PCNX3: variants seen among roughly 807,000 people sequenced by gnomAD.
PCNX3 encodes pecanex-like protein 3.
PCNX3 carries 58 observed loss-of-function variants against 207.2 expected under a neutral mutation model. The ratio of observed to expected loss-of-function variants is 0.28; its 90% CI spans 0.23 to 0.35. PCNX3 has a LOEUF of 0.35. Among genes scored for constraint, PCNX3 ranks in the 10% least tolerant of loss-of-function variants. PCNX3 has a pLI of 1.00. For synonymous variants in PCNX3, 1,337 were observed against 1,183.5 expected (o/e 1.13, Z -2.66); for missense variants, 2,410 against 2,774.4 (o/e 0.87, Z 2.95).
In PCNX3 at chr11:65,617,254, C is replaced by T. The variant is rs1018451718; in HGVS notation, c.346C>T (p.Pro116Ser). 1.9e-6 allele frequency: 3 copies of T among 1,602,706 alleles called. No individual in the cohort carries two copies. Among genetic ancestry groups the T allele is most frequent in the African/African-American group, 1.3e-5 (1 of 74,734 alleles). Residue 116 changes from proline (P) to serine (S), a missense_variant, in exon 3 of 35, where the codon CCC (proline) becomes TCC (serine). Physicochemically the swap from Pro to Ser is moderately conservative, Grantham distance 74. This residue lies in a region of PCNX3 where 1,104 missense variants were observed against 970.3 expected (regional missense o/e 1.14). Coordinates refer to ENST00000355703, the MANE Select transcript of PCNX3 (RefSeq NM_032223.4). ...GCTGCTCTTTTTCACCGCCAGGGAC[C>T]CCGGAGTGGAGATGACAGTGTTCCG... ...AQGDSNPPRD[P>S]GVEMTVFRKV... is the part of the protein sequence containing the mutation.
Position 65,619,609 on chromosome 11 carries a change from A to G in PCNX3, c.1778A>G (p.Asn593Ser). 1.9e-6 allele frequency: 3 copies of G among 1,606,052 alleles called. No homozygotes were observed. The highest frequency in any genetic ancestry group is 1.7e-6 in the Non-Finnish European group (2 of 1,178,844). Reference sequence around the variant, plus strand: ...ACCCAGGCCATTCGGAGACGCCACAATGCAGGCAGCAACCCCACCCCTCCA... The same window carrying G: ...ACCCAGGCCATTCGGAGACGCCACAGTGCAGGCAGCAACCCCACCCCTCCA... ...RRTQAIRRRH[N>S]AGSNPTPPAS... Residue 593 changes from asparagine to serine, a missense_variant, in exon 7 of 35, where the codon AAT becomes AGT. Physicochemically the swap from Asn to Ser is conservative, Grantham distance 46 (BLOSUM62 1). Around this residue, in one of 8 missense-constraint regions of PCNX3, gnomAD observed 1,104 missense variants for 970.3 expected, o/e 1.14. Coordinates refer to ENST00000355703, the MANE Select transcript of PCNX3 (RefSeq NM_032223.4).
Position 65,634,240 on chromosome 11 carries a change from A to T in PCNX3, c.4585A>T (p.Thr1529Ser). ...RVPGYADSDP[T>S]FSLSVDEDYD... ...GCCCGGCTATGCCGACTCGGATCCC[A>T]CCTTCTCGCTGAGTGTGGATGAGGA... Residue 1529 changes from threonine to serine, a missense_variant, in exon 28 of 35, where the codon ACC (threonine) becomes TCC (serine). Thr to Ser is a moderately conservative substitution (Grantham distance 58, BLOSUM62 1). Coordinates refer to ENST00000355703, the MANE Select transcript of PCNX3 (RefSeq NM_032223.4). 1 of 1,612,998 alleles carries T rather than the reference A, an allele frequency of 6.2e-7. No homozygotes were observed. The highest frequency in any genetic ancestry group is 8.5e-7 in the Non-Finnish European group (1 of 1,179,688).
rs149450828 is a variant in PCNX3, at chr11:65,619,993, C to T, written c.2008+61C>T. On this transcript the variant is annotated intron_variant, in intron 8 of 34. Transcript: ENST00000355703. ...CCCGCCTTCCCCCAACAGCCTGAGT[C>T]CTCCTAGCAGTGGTGCTCGCTCGGC... The T allele has an allele frequency of 1.2e-5, 18 of 1,507,392 alleles. No homozygotes were observed. The African/African-American group carries it at 2.2e-4, about 18-fold the overall frequency. The allele number at this position is 1,507,392 out of a possible 1,614,324, so 93.4% of individuals were successfully genotyped here. A position where few individuals can be genotyped will look rare whatever the true frequency, so the allele number is the denominator to read the frequency against.
intron 29 of PCNX3, 28 bp from the exon 30 acceptor site, chr11:65,634,945 T>C: frequency 6.3e-7 from 1 of 1,599,686 alleles, no homozygotes; most frequent in Non-Finnish European, 8.5e-7. Context: ...CACCCCTCTC[T>C]CCCCTCCCTG....
In PCNX3 at chr11:65,636,273, C is replaced by T. The variant is rs1453320761; in HGVS notation, c.5559C>T (p.Pro1853=). ...GGGLTSLSNN[P]PVAHPTPENT... is the part of the protein sequence containing the mutation. ...GCCTGACCTCCCTCAGCAATAACCC[C>T]CCCGTGGCACACCCCACACCTGAGA... The change falls in exon 33 of 35, where the codon CCC becomes CCT. Residue 1853 remains proline, a synonymous_variant. Transcript: ENST00000355703. 1 of 1,602,170 alleles carries T rather than the reference C, an allele frequency of 6.2e-7. No homozygotes were observed. The highest frequency in any genetic ancestry group is 8.5e-7 in the Non-Finnish European group (1 of 1,174,290).
chr11:65,635,057 C>T lies in PCNX3; in HGVS notation c.4890C>T (p.Ala1630=), dbSNP rs370639193. Residue 1630 remains alanine, a synonymous_variant, in exon 30 of 35, where the codon GCC becomes GCT. Transcript: ENST00000355703. The surrounding 1 kb of genome is among the most constrained non-coding windows in gnomAD (Gnocchi z 9.9). ...ITSPRDEWVF[A]DMDLLHRVVA... is the part of the protein sequence containing the mutation. ...CCCCACGTGACGAGTGGGTCTTTGC[C>T]GACATGGACCTGCTTCACCGCGTTG... 211 of 1,613,880 alleles carry T rather than the reference C, an allele frequency of 1.3e-4. 1 individual carries two copies. Among genetic ancestry groups the T allele is most frequent in the Middle Eastern group, 1.2e-3 (7 of 6,062 alleles).
Position 65,617,496 on chromosome 11 carries a change from T to C in PCNX3, c.468T>C (p.Ser156=), listed in dbSNP as rs759451501. The C allele has an allele frequency of 6.2e-7, 1 of 1,613,884 alleles. No homozygotes were observed. Among genetic ancestry groups the C allele is most frequent in the Non-Finnish European group, 8.5e-7 (1 of 1,179,896 alleles). ...AGCTGCTGCCCCGAATGGAGGACTCTGGGCCCCTTAGAGGTAGGTGGCTGC... is the reference window on the plus strand; with the variant it reads ...AGCTGCTGCCCCGAATGGAGGACTCCGGGCCCCTTAGAGGTAGGTGGCTGC... ...VSELLPRMED[S]GPLRDIKELV... is the part of the protein sequence containing the mutation. The change falls in exon 4 of 35, where the codon TCT becomes TCC. Residue 156 remains serine (S), a synonymous_variant. Transcript: ENST00000355703.
chr11:65,625,029 T>C lies in PCNX3; in HGVS notation c.2919+13T>C, dbSNP rs548650533. ...TGGGGCCATCAAGGTAGGGGTGGCTTGCGAGGTGGGGGCATGCTGCAGTGC... is the reference window on the plus strand; with the variant it reads ...TGGGGCCATCAAGGTAGGGGTGGCTCGCGAGGTGGGGGCATGCTGCAGTGC... On this transcript the variant is annotated intron_variant, in intron 16 of 34. Transcript: ENST00000355703. This position sits in a 1 kb window ranked among gnomAD's most constrained non-coding sequence, Gnocchi z 5.6. 9 of 1,609,430 alleles carry C rather than the reference T, an allele frequency of 5.6e-6. No individual in the cohort carries two copies. In the African/African-American group the frequency reaches 9.4e-5, roughly 17 times the overall value.
chr11:65,616,455 A>G lies in PCNX3; in HGVS notation c.144A>G (p.Leu48=), dbSNP rs1854733106. 3.7e-6 allele frequency: 6 copies of G among 1,606,292 alleles called. No individual in the cohort carries two copies. Among genetic ancestry groups the G allele is most frequent in the Non-Finnish European group, 4.2e-6 (5 of 1,178,800 alleles). The part of the protein sequence containing the change: ...VWIFLLIFPF[L]LYMVLPPSLM... ...TCTTCCTGCTCATCTTTCCCTTCTT[A>G]CTGTACATGGTGAGACGCCACGGCC... The change falls in exon 1 of 35, where the codon TTA becomes TTG. Residue 48 remains leucine, a synonymous_variant. Coordinates refer to ENST00000355703, the MANE Select transcript of PCNX3 (RefSeq NM_032223.4).
At chr11:65,634,387 G>A (rs1320348955) in intron 28 of PCNX3, 31 bp downstream of exon 28, 1 of 1,545,834 alleles carries the variant, frequency 6.5e-7, no homozygotes. Context: ...GCTGCCACCT[G>A]GGGCTGTGGG....
chr11:65,624,416 G>A lies in PCNX3; in HGVS notation c.2716+50G>A, dbSNP rs750581472. On this transcript the variant is annotated intron_variant, in intron 14 of 34. Transcript: ENST00000355703. ...GGCCCAGGAGAGTGAGTCCCCGAGG[G>A]TGGGCCGCGGAAAGCCAGCAGGCTG... 73 of 1,551,772 alleles carry A rather than the reference G, an allele frequency of 4.7e-5. 1 individual carries two copies. Among genetic ancestry groups the A allele is most frequent in the Non-Finnish European group, 5.8e-5 (66 of 1,146,746 alleles).
intron 7 of PCNX3, 44 bp downstream of exon 7, chr11:65,619,704 G>C: frequency 1.3e-6 from 2 of 1,567,180 alleles, no homozygotes; most frequent in South Asian, 2.3e-5. Context: ...GGGGGCCGGG[G>C]AGGGCCCGCA....
intron 11 of PCNX3, 136 bp downstream of exon 11, chr11:65,622,502 G>T: frequency 8.6e-7 from 1 of 1,157,198 alleles, no homozygotes; most frequent in Non-Finnish European, 1.2e-6. Flanking sequence ...TCGTTGGCTG[G>T]AGTCTGCAGT....
chr11:65,622,154 TA>T lies in PCNX3; in HGVS notation c.2236-90del. The T allele has an allele frequency of 2.4e-6, 3 of 1,263,054 alleles. No homozygotes were observed. In the South Asian group the frequency reaches 4.2e-5, roughly 18 times the overall value. The allele number at this position is 1,263,054 out of a possible 1,614,324, so 78.2% of individuals were successfully genotyped here. On this transcript the variant is annotated intron_variant, in intron 10 of 34. Coordinates refer to ENST00000355703, the MANE Select transcript of PCNX3 (RefSeq NM_032223.4). ...CCGGTGTGCTGAAGGGGGGTAACAG[TA>T]GACCATGTGGGGGGTGGCGGGGCTG...
At position 65,618,647 on chromosome 11, in the gene PCNX3, G is replaced by A. The variant is rs1245297164; in HGVS notation, c.1285G>A (p.Glu429Lys). The change falls in exon 6 of 35, where the codon GAA (glutamate) becomes AAA (lysine). Residue 429 changes from glutamate to lysine, a missense_variant. By Grantham distance (56) the Glu-to-Lys change is moderately conservative. Around this residue, in one of 8 missense-constraint regions of PCNX3, gnomAD observed 1,104 missense variants for 970.3 expected, o/e 1.14. Transcript: ENST00000355703. ...GGATGAAGACACTAGTGAGGGCAGT[G>A]AACTGAGCCCGGCCTCCAGTCTCCG... ...FEDEDTSEGS[E>K]LSPASSLRSQ... The A allele has an allele frequency of 2.1e-5, 34 of 1,613,020 alleles. No individual in the cohort carries two copies. The highest frequency in any genetic ancestry group is 2.7e-5 in the Non-Finnish European group (32 of 1,179,858).
At chr11:65,629,861 A>G in intron 26 of PCNX3, 126 bp downstream of exon 26, 1 of 1,025,126 alleles carries the variant, frequency 9.8e-7, no homozygotes, top group Non-Finnish European at 1.4e-6. Flanking sequence ...GCCTTGGGCA[A>G]GGCACTCCTC....
rs745974239 is a variant in PCNX3, at chr11:65,630,443, C to T, written c.4309C>T (p.Arg1437Trp). 14 of 1,613,502 alleles carry T rather than the reference C, an allele frequency of 8.7e-6. No individual in the cohort carries two copies. The highest frequency in any genetic ancestry group is 6.7e-5 in the African/African-American group (5 of 74,932). Reference protein sequence around the residue: ...CCCCEPGHLPRVLSFNAAFGQ... With the variant: ...CCCCEPGHLPWVLSFNAAFGQ... ...CTGCTGTGAACCTGGCCACCTGCCACGGGTCCTGTCCTTCAATGCTGCCTT... is the reference window on the plus strand; with the variant it reads ...CTGCTGTGAACCTGGCCACCTGCCATGGGTCCTGTCCTTCAATGCTGCCTT... The change falls in exon 27 of 35, where the codon CGG becomes TGG. Residue 1437 changes from arginine (R) to tryptophan (W), a missense_variant. Physicochemically the swap from Arg to Trp is moderately radical, Grantham distance 101 (BLOSUM62 -3). This residue lies in a region of PCNX3 where 420 missense variants were observed against 705.3 expected (regional missense o/e 0.60). Coordinates refer to ENST00000355703, the MANE Select transcript of PCNX3 (RefSeq NM_032223.4).
chr11:65,617,927 T>C lies in PCNX3; in HGVS notation c.578-13T>C, dbSNP rs759926912. 6.4e-7 allele frequency: 1 copy of C among 1,567,580 alleles called. No individual in the cohort carries two copies. Among genetic ancestry groups the C allele is most frequent in the Non-Finnish European group, 8.6e-7 (1 of 1,158,982 alleles). ...ACCCTTTTTTCATTTTCTGTTTCCC[T>C]TTATTTTGGCAGTTGGAGACCTTCC... On this transcript the variant is annotated splice_polypyrimidine_tract_variant and intron_variant, in intron 5 of 34. Transcript: ENST00000355703.
chr11:65,620,321 TC>T lies in PCNX3; in HGVS notation c.2009-15del. The stretch of plus-strand genomic sequence containing the variant: ...TCTGTCTCTGCCACGCTGCCTCATC[TC>T]CCATACCCTGCCCCAGGTGTGCGGC... On this transcript the variant is annotated splice_polypyrimidine_tract_variant and intron_variant, in intron 8 of 34. Coordinates refer to ENST00000355703, the MANE Select transcript of PCNX3 (RefSeq NM_032223.4). 6.2e-7 allele frequency: 1 copy of T among 1,604,632 alleles called. No individual in the cohort carries two copies. The highest frequency in any genetic ancestry group is 1.1e-5 in the South Asian group (1 of 90,138).
Sources: gnomAD v4.1 joint callset for allele counts on GRCh38, gnomAD v4.1.1 for gene constraint, gnomAD v4.1.1 regional missense constraint, Gnocchi (gnomAD v3.1) non-coding constraint, MANE v1.5 for transcripts, NCBI Gene and HGNC (gene_info 2026-07-23, HGNC 2026-07-21) for gene names.